OPCML: variants seen among roughly 807,000 people sequenced by gnomAD.
OPCML encodes opioid-binding protein/cell adhesion molecule.
OPCML carries 13 observed loss-of-function variants against 37.8 expected under a neutral mutation model. The ratio of observed to expected loss-of-function variants is 0.34; its 90% confidence interval spans 0.22 to 0.55. The LOEUF (loss-of-function observed/expected upper bound fraction) is 0.55. Among genes scored for constraint, OPCML ranks in the 20% least tolerant of loss-of-function variants. The pLI, the probability that OPCML is intolerant of heterozygous loss-of-function variation, is 0.91. For synonymous variants in OPCML, 176 were observed against 168.8 expected (o/e 1.04, Z -0.33); for missense variants, 341 against 435.6 (o/e 0.78, Z 1.93).
At chr11:132,740,270 C>A (rs1055569590) in intron 2 of OPCML, among the ~76,000 whole-genome samples, 6 of 152,212 alleles carry the variant, frequency 3.9e-5, no homozygotes, top group African/African-American at 1.4e-4. Flanking sequence ...TGGTCCTCCC[C>A]TGCCCCTTGG....
intron 1 of OPCML, among the ~76,000 whole-genome samples, chr11:133,054,555 T>C (rs969852775): frequency 6.6e-6 from 1 of 152,230 alleles, no homozygotes; most frequent in African/African-American, 2.4e-5. Flanking sequence ...ATCTATTTGT[T>C]GTCTGCCTTT....
chr11:132,626,695 T>TA (rs35134050), intron 3 of OPCML, among the ~76,000 whole-genome samples: 29 of 149,560 alleles, frequency 1.9e-4, no homozygotes, highest in South Asian at 6.4e-4. Flanking sequence ...TATGAGCCTT[T>TA]AAAAAAAAAA....
At chr11:133,295,957 T>C (rs895477496) in intron 1 of OPCML, among the ~76,000 whole-genome samples, 1 of 152,230 alleles carries the variant, frequency 6.6e-6, no homozygotes, top group Non-Finnish European at 1.5e-5. Flanking sequence ...TCCTCATTAA[T>C]GAGTTAAATA....
chr11:133,047,293 TCAGA>T (rs1948034468), intron 1 of OPCML, among the ~76,000 whole-genome samples: 1 of 152,228 alleles, frequency 6.6e-6, no homozygotes, highest in Non-Finnish European at 1.5e-5. Context: ...CTGAGTTCAT[TCAGA>T]CAGTCACTGG....
At chr11:133,325,767 T>C (rs934540348) in intron 1 of OPCML, among the ~76,000 whole-genome samples, 1 of 152,138 alleles carries the variant, frequency 6.6e-6, no homozygotes, top group Non-Finnish European at 1.5e-5. Flanking sequence ...GGGAGAAAAC[T>C]AGGAATTAGA....
intron 2 of OPCML, among the ~76,000 whole-genome samples, chr11:132,667,705 G>T (rs991914178): frequency 6.6e-6 from 1 of 152,178 alleles, no homozygotes; most frequent in Non-Finnish European, 1.5e-5. Context: ...CAAAGTGGAA[G>T]ACTAAGTTAT....
intron 1 of OPCML, among the ~76,000 whole-genome samples, chr11:133,032,722 T>G (rs938462097): frequency 2.0e-5 from 3 of 152,202 alleles, no homozygotes; most frequent in Admixed American, 6.5e-5. Flanking sequence ...AGAATCTAAC[T>G]GAGCAGCCCC....
chr11:133,164,134 A>T (rs2137225187), intron 1 of OPCML, among the ~76,000 whole-genome samples: 1 of 152,314 alleles, frequency 6.6e-6, no homozygotes, highest in African/African-American at 2.4e-5. Context: ...AGTCACTTTT[A>T]AAAAGTTGCT....
intron 2 of OPCML, among the ~76,000 whole-genome samples, chr11:132,687,409 T>C (rs1430843614): frequency 1.4e-4 from 14 of 99,028 alleles, no homozygotes; most frequent in African/African-American, 6.4e-4. Context: ...TATATATATA[T>C]ATATATATAT....
At chr11:132,881,689 A>G (rs2725426) in intron 2 of OPCML, among the ~76,000 whole-genome samples, 31,974 of 152,216 alleles carry the variant, frequency 0.21, 3,556 homozygotes, top group South Asian at 0.25. Context: ...TAGCTCTCTC[A>G]TAAAGGATAC....
At chr11:132,924,028 G>A (rs1399067936) in intron 2 of OPCML, among the ~76,000 whole-genome samples, 1 of 151,876 alleles carries the variant, frequency 6.6e-6, no homozygotes, top group Non-Finnish European at 1.5e-5. Context: ...CTCCCAAAGT[G>A]CTGAGATTAC....
At chr11:132,461,162 C>A (rs2096100340) in intron 4 of OPCML, among the ~76,000 whole-genome samples, 2 of 152,048 alleles carry the variant, frequency 1.3e-5, no homozygotes, top group South Asian at 2.1e-4. Context: ...GCTCATAAAA[C>A]CCTTAGAATC....
At chr11:133,296,723 A>G (rs1184895952) in intron 1 of OPCML, among the ~76,000 whole-genome samples, 1 of 152,202 alleles carries the variant, frequency 6.6e-6, no homozygotes, top group Non-Finnish European at 1.5e-5. Context: ...ATATAAATAA[A>G]ATACATTTTA....
At chr11:132,558,830 C>T (rs11223121) in intron 3 of OPCML, among the ~76,000 whole-genome samples, 99,172 of 151,624 alleles carry the variant, frequency 0.65, 33,098 homozygotes, top group East Asian at 0.85. Context: ...AATTGTTGAC[C>T]GTTCAATTTT....
At chr11:133,071,992 C>CA (rs1948546131) in intron 1 of OPCML, among the ~76,000 whole-genome samples, 1 of 152,154 alleles carries the variant, frequency 6.6e-6, no homozygotes, top group Non-Finnish European at 1.5e-5. Context: ...ACTGCGTGTG[C>CA]AGGACGGCCC....
At chr11:133,302,487 A>C (rs1474223827) in intron 1 of OPCML, 1 of 152,214 alleles carries the variant, frequency 6.6e-6, no homozygotes, top group Admixed American at 6.5e-5. Context: ...TAGCAAAGTG[A>C]GAACGGACTA....
At chr11:133,260,424 G>T (rs1344488365) in intron 1 of OPCML, among the ~76,000 whole-genome samples, 1 of 152,080 alleles carries the variant, frequency 6.6e-6, no homozygotes, top group Non-Finnish European at 1.5e-5. Flanking sequence ...ATCCAGGCAG[G>T]GTGGCTTGGA....
At chr11:133,013,416 G>A (rs1033438857) in intron 1 of OPCML, among the ~76,000 whole-genome samples, 6 of 151,974 alleles carry the variant, frequency 3.9e-5, no homozygotes, top group East Asian at 3.9e-4. Context: ...ACTCAGTACC[G>A]CATATCATAT....
intron 1 of OPCML, among the ~76,000 whole-genome samples, chr11:133,189,724 G>C (rs749931403): frequency 5.9e-5 from 9 of 152,120 alleles, no homozygotes; most frequent in Non-Finnish European, 1.3e-4. Flanking sequence ...CACACAACCA[G>C]CTTATTAATA....
Sources: gnomAD v4.1 joint callset for allele counts (sites outside exome capture counted in the v4.1 genomes callset) on GRCh38, gnomAD v4.1.1 for gene constraint, MANE v1.5 for transcripts, NCBI Gene and HGNC (gene_info 2026-07-23, HGNC 2026-07-21) for gene names.